The following HMGCLL1 variants were observed in gnomAD, a reference collection of about 807,000 sequenced individuals.
The protein encoded by HMGCLL1 is 3-hydroxymethyl-3-methylglutaryl-CoA lyase, cytoplasmic.
A neutral mutation model predicts 39.1 loss-of-function variants in HMGCLL1; 36 were observed. That is an observed-to-expected ratio of 0.92 (90% CI 0.71 to 1.22). The LOEUF (loss-of-function observed/expected upper bound fraction) is 1.22, where lower values mean the gene tolerates loss of function less well. HMGCLL1 is among the 50% of genes most tolerant of loss of function. The pLI is 0.00. For missense variants in HMGCLL1, 451 were observed against 416.5 expected (o/e 1.08, Z -0.72); for synonymous variants, 149 against 144.0 (o/e 1.03, Z -0.25).
the HMGCLL1 span, among the ~76,000 whole-genome samples, chr6:55,585,356 T>A: frequency 2.0e-5 from 3 of 152,146 alleles, no homozygotes; most frequent in Admixed American, 6.6e-5. Context: ...GGACTGTTCG[T>A]TAACTAGTTT....
chr6:55,632,189 T>G, the HMGCLL1 span, among the ~76,000 whole-genome samples: 1 of 152,188 alleles, frequency 6.6e-6, no homozygotes, highest in Admixed American at 6.6e-5. Context: ...ATAAAACAGC[T>G]GCAGAACCAT....
chr6:55,557,289 C>T (rs1397745893), intron 1 of HMGCLL1, among the ~76,000 whole-genome samples: 2 of 152,154 alleles, frequency 1.3e-5, no homozygotes, highest in African/African-American at 2.4e-5. Flanking sequence ...TTAAGCCAGA[C>T]ACTAACTTAT....
At chr6:55,632,458 A>G in the HMGCLL1 span, among the ~76,000 whole-genome samples, 5 of 150,916 alleles carry the variant, frequency 3.3e-5, no homozygotes, top group Non-Finnish European at 4.4e-5. Context: ...ATATAAAGTT[A>G]TATATATAAT....
chr6:55,486,781 C>T (rs1766054507), intron 7 of HMGCLL1, among the ~76,000 whole-genome samples: 1 of 152,078 alleles, frequency 6.6e-6, no homozygotes, highest in Non-Finnish European at 1.5e-5. Context: ...GTACCATAAG[C>T]AGGGTGGTTT....
intron 7 of HMGCLL1, among the ~76,000 whole-genome samples, chr6:55,472,751 A>G (rs1051234599): frequency 1.3e-5 from 2 of 151,554 alleles, no homozygotes; most frequent in African/African-American, 4.8e-5. Flanking sequence ...TGATTCACAA[A>G]TGTCAATTAA....
At chr6:55,535,756 G>A (rs1768982336) in intron 3 of HMGCLL1, among the ~76,000 whole-genome samples, 1 of 152,102 alleles carries the variant, frequency 6.6e-6, no homozygotes, top group Non-Finnish European at 1.5e-5. Flanking sequence ...GATAATAATG[G>A]ATGAGTCTTA....
intron 6 of HMGCLL1, 32 bp downstream of exon 6, chr6:55,499,201 TACC>T: frequency 6.5e-7 from 1 of 1,533,894 alleles, no homozygotes; most frequent in Non-Finnish European, 8.9e-7. Context: ...TATATCATGT[TACC>T]ATAAACCAAA....
chr6:55,434,428 G>A lies in HMGCLL1; in HGVS notation c.*1234C>T, dbSNP rs1581775269. 6.6e-6 allele frequency: 1 copy of A among 151,836 alleles called. No individual in the cohort carries two copies. The highest frequency in any genetic ancestry group is 1.5e-5 in the Non-Finnish European group (1 of 67,958). 9.4% of individuals were successfully genotyped at this position (151,836 alleles called of 1,614,324 possible). ...GGTTTTAATGAATATTTCCTAGAAAGTTCACAATACTCATTTTTATGTTTC... is the reference window on the plus strand; with the variant it reads ...GGTTTTAATGAATATTTCCTAGAAAATTCACAATACTCATTTTTATGTTTC... On this transcript the variant is annotated 3_prime_UTR_variant, in exon 9 of 9. Transcript: ENST00000274901.
chr6:55,449,485 A>C (rs1287607286), intron 7 of HMGCLL1, among the ~76,000 whole-genome samples: 2 of 152,228 alleles, frequency 1.3e-5, no homozygotes, highest in African/African-American at 4.8e-5. Flanking sequence ...CTGTTAAATC[A>C]GTGAGAAACA....
chr6:55,672,165 T>G, the HMGCLL1 span, among the ~76,000 whole-genome samples: 1 of 151,778 alleles, frequency 6.6e-6, no homozygotes, highest in African/African-American at 2.4e-5. Context: ...TCTTAATTTT[T>G]TAATCTGTAT....
At chr6:55,632,429 A>C in the HMGCLL1 span, among the ~76,000 whole-genome samples, 1 of 150,454 alleles carries the variant, frequency 6.6e-6, no homozygotes, top group Non-Finnish European at 1.5e-5. Flanking sequence ...ATAATTAATA[A>C]TCATTATAAA....
chr6:55,480,456 C>A (rs926705070), intron 7 of HMGCLL1, among the ~76,000 whole-genome samples: 1 of 151,558 alleles, frequency 6.6e-6, no homozygotes, highest in Non-Finnish European at 1.5e-5. Context: ...AGCTTTTACT[C>A]AAGGTAACAA....
chr6:55,659,291 A>G, the HMGCLL1 span, among the ~76,000 whole-genome samples: 2 of 151,898 alleles, frequency 1.3e-5, no homozygotes, highest in African/African-American at 2.4e-5. Flanking sequence ...TGTTGGATGA[A>G]TAATTCAGTA....
the HMGCLL1 span, among the ~76,000 whole-genome samples, chr6:55,635,556 A>T: frequency 1.3e-5 from 2 of 152,334 alleles, no homozygotes; most frequent in African/African-American, 4.8e-5. Context: ...TAAAGACTAT[A>T]TACTGTCTGT....
intron 7 of HMGCLL1, among the ~76,000 whole-genome samples, chr6:55,481,447 T>C (rs1343877233): frequency 6.6e-6 from 1 of 152,086 alleles, no homozygotes; most frequent in African/African-American, 2.4e-5. Flanking sequence ...CTTGAGGTGA[T>C]AGATACCCCA....
At chr6:55,655,154 A>G in the HMGCLL1 span, among the ~76,000 whole-genome samples, 1 of 151,860 alleles carries the variant, frequency 6.6e-6, no homozygotes, top group Admixed American at 6.6e-5. Context: ...AATCCCCTAC[A>G]ATGTATTTTC....
intron 1 of HMGCLL1, among the ~76,000 whole-genome samples, chr6:55,561,941 C>T (rs1421372945): frequency 1.3e-5 from 2 of 152,042 alleles, no homozygotes; most frequent in South Asian, 2.1e-4. Flanking sequence ...TAAACTATAA[C>T]ACAAATGTTC....
intron 3 of HMGCLL1, among the ~76,000 whole-genome samples, chr6:55,539,399 T>A (rs923388249): frequency 1.3e-5 from 2 of 152,146 alleles, no homozygotes; most frequent in African/African-American, 4.8e-5. Context: ...TGAATGTTCA[T>A]TGCAGCACTA....
At chr6:55,567,236 A>G (rs1263519605) in intron 1 of HMGCLL1, among the ~76,000 whole-genome samples, 4 of 152,122 alleles carry the variant, frequency 2.6e-5, no homozygotes, top group Non-Finnish European at 5.9e-5. Flanking sequence ...AATAGTCTTA[A>G]TACTTGTAAA....
Sources: gnomAD v4.1 joint callset for allele counts (sites outside exome capture counted in the v4.1 genomes callset) on GRCh38, gnomAD v4.1.1 for gene constraint, MANE v1.5 for transcripts, NCBI Gene and HGNC (gene_info 2026-07-23, HGNC 2026-07-21) for gene names.